Variants in ERICH1 observed in about 807,000 individuals in gnomAD.
ERICH1 encodes glutamate rich 1.
ERICH1 carries 56 observed loss-of-function variants against 39.6 expected under a neutral mutation model. That is an observed-to-expected ratio of 1.41 (90% CI 1.14 to 1.77). The LOEUF (loss-of-function observed/expected upper bound fraction) is 1.77. Ranked by LOEUF, ERICH1 falls within the 40% of genes most tolerant of loss-of-function variation. The pLI is 0.00. For missense variants in ERICH1, 826 were observed against 575.4 expected (o/e 1.44, Z -4.45); for synonymous variants, 313 against 223.6 (o/e 1.40, Z -3.57).
chr8:700,426 C>G (rs879039754), intron 2 of ERICH1, among the ~76,000 whole-genome samples: 4 of 85,664 alleles, frequency 4.7e-5, no homozygotes, highest in African/African-American at 1.2e-4. Context: ...GGCCCGCAGA[C>G]GCGCACAGGC....
At chr8:632,189 T>C (rs773092391) in intron 3 of ERICH1, among the ~76,000 whole-genome samples, 7 of 152,176 alleles carry the variant, frequency 4.6e-5, no homozygotes. Flanking sequence ...TGAATTTTGA[T>C]GTTGTAGTGA....
chr8:700,471 C>A (rs1329588878), intron 2 of ERICH1, among the ~76,000 whole-genome samples: 1 of 129,750 alleles, frequency 7.7e-6, no homozygotes, highest in Non-Finnish European at 1.7e-5. Context: ...GGCGCACAGA[C>A]CCGCACAGGC....
chr8:681,529 G>C lies in ERICH1; in HGVS notation c.305-7482C>G, dbSNP rs900081366. On this transcript the variant is annotated intron_variant, in intron 3 of 5. Coordinates refer to ENST00000262109, the MANE Select transcript of ERICH1 (RefSeq NM_207332.3). The stretch of plus-strand genomic sequence containing the variant: ...AAGAATGCAAGAGTAATCAGAACTT[G>C]AAGGAACAAAACGCAAGCAGGATTG... Among the ~76,000 whole-genome samples, 7 of 152,210 alleles carry C rather than the reference G, an allele frequency of 4.6e-5. No homozygotes were observed. The East Asian group carries it at 1.3e-3, about 29-fold the overall frequency.
rs921743679 is a variant in ERICH1 at position 697,742 on chromosome 8, G to T, written c.170-5130C>A. Among the ~76,000 whole-genome samples, 80 of 152,166 alleles carry T rather than the reference G, an allele frequency of 5.3e-4. 1 individual carries two copies. Among genetic ancestry groups the T allele is most frequent in the Non-Finnish European group, 2.6e-4 (18 of 67,976 alleles). On this transcript the variant is annotated intron_variant, in intron 2 of 5. Transcript: ENST00000262109. Reference sequence around the variant, plus strand: ...ACAGGCGCCCCTCTCAAGAGGGGAGGGACTTCAGCTGTCAGCACAGCAGGT... The same window carrying T: ...ACAGGCGCCCCTCTCAAGAGGGGAGTGACTTCAGCTGTCAGCACAGCAGGT...
intron 1 of ERICH1, among the ~76,000 whole-genome samples, chr8:722,911 G>C (rs758831584): frequency 6.6e-6 from 1 of 152,180 alleles, no homozygotes; most frequent in African/African-American, 2.4e-5. Context: ...AAATATTCAC[G>C]AGTGACTTTA....
chr8:624,020 TC>T (rs1309290725), intron 3 of ERICH1, among the ~76,000 whole-genome samples: 4 of 151,958 alleles, frequency 2.6e-5, no homozygotes, highest in Non-Finnish European at 5.9e-5. Flanking sequence ...GGGACTAATA[TC>T]CAAAATAAAT....
chr8:674,850 G>A (rs1392061965), intron 3 of ERICH1, among the ~76,000 whole-genome samples: 1 of 152,200 alleles, frequency 6.6e-6, no homozygotes, highest in Non-Finnish European at 1.5e-5. Flanking sequence ...AATAGCATAG[G>A]TTGGTGATGT....
chr8:720,622 T>C (rs932824620), intron 1 of ERICH1, among the ~76,000 whole-genome samples: 4 of 152,238 alleles, frequency 2.6e-5, no homozygotes, highest in African/African-American at 9.6e-5. Flanking sequence ...CATAAAGGTC[T>C]GTACAGTTTA....
chr8:657,839 C>T (rs181976319), intron 3 of ERICH1, among the ~76,000 whole-genome samples: 51 of 152,142 alleles, frequency 3.4e-4, no homozygotes, highest in Admixed American at 1.4e-3. Context: ...GTTGGATCTG[C>T]GACAAATCAG....
intron 3 of ERICH1, chr8:627,158 G>C (rs766066818): frequency 2.2e-6 from 1 of 456,268 alleles, no homozygotes; most frequent in Non-Finnish European, 4.4e-6. Context: ...AGCAGACCCA[G>C]GTCTGAGCTC....
rs1801876889 is a variant in ERICH1 at position 664,385 on chromosome 8, G to GAT, written c.*216_*217dup. 8.3e-7 allele frequency: 1 copy of GAT among 1,202,370 alleles called. No individual in the cohort carries two copies. The highest frequency in any genetic ancestry group is 1.0e-6 in the Non-Finnish European group (1 of 967,904). The allele number at this position is 1,202,370 out of a possible 1,614,324, so 74.5% of individuals were successfully genotyped here. ...AATCAAGTTTTATGTAGTAATTCAA[G>GAT]ATATATATAATTGCAAATAAGTGAA... is the stretch of plus-strand genomic sequence containing the variant. On this transcript the variant is annotated 3_prime_UTR_variant, in exon 6 of 6. Transcript: ENST00000262109.
At chr8:727,332 C>T (rs1260201485) in intron 1 of ERICH1, among the ~76,000 whole-genome samples, 1 of 152,234 alleles carries the variant, frequency 6.6e-6, no homozygotes, top group Non-Finnish European at 1.5e-5. Flanking sequence ...GAACTGGCAC[C>T]AGTGCCAGCA....
At chr8:688,187 G>C (rs1014666138) in intron 3 of ERICH1, among the ~76,000 whole-genome samples, 1 of 149,974 alleles carries the variant, frequency 6.7e-6, no homozygotes, top group Non-Finnish European at 1.5e-5. Flanking sequence ...CGGGGCGCAG[G>C]ACACGGCAAG....
Position 698,585 on chromosome 8 carries a change from C to T in ERICH1, c.170-5973G>A, listed in dbSNP as rs79192246. ...CCTCAATTCTCAATGACAAGGTGGTCATTGAAAAATTACACACTTCTGAAA... is the reference window on the plus strand; with the variant it reads ...CCTCAATTCTCAATGACAAGGTGGTTATTGAAAAATTACACACTTCTGAAA... On this transcript the variant is annotated intron_variant, in intron 2 of 5. Coordinates refer to ENST00000262109, the MANE Select transcript of ERICH1 (RefSeq NM_207332.3). Among the ~76,000 whole-genome samples, 997 of 152,122 alleles carry T rather than the reference C, an allele frequency of 6.6e-3. 5 individuals are homozygous for T. The highest frequency in any genetic ancestry group is 9.8e-3 in the Non-Finnish European group (668 of 68,008).
intron 3 of ERICH1, among the ~76,000 whole-genome samples, chr8:619,883 G>A (rs982861724): frequency 6.6e-6 from 1 of 152,114 alleles, no homozygotes; most frequent in African/African-American, 2.4e-5. Flanking sequence ...TACATTGTAA[G>A]CTCCAGAGCA....
At chr8:680,941 A>C (rs12114133) in intron 3 of ERICH1, among the ~76,000 whole-genome samples, 2 of 152,036 alleles carry the variant, frequency 1.3e-5, no homozygotes, top group African/African-American at 2.4e-5. Flanking sequence ...TCAGGACACA[A>C]GGAGACCTGG....
At chr8:652,985 CAT>C (rs1410521163) in intron 3 of ERICH1, among the ~76,000 whole-genome samples, 2 of 152,186 alleles carry the variant, frequency 1.3e-5, no homozygotes, top group African/African-American at 4.8e-5. Context: ...TGAGCACACT[CAT>C]GTGCTGTTGC....
At chr8:706,675 C>T (rs1333890347) in intron 2 of ERICH1, among the ~76,000 whole-genome samples, 3 of 152,028 alleles carry the variant, frequency 2.0e-5, no homozygotes, top group African/African-American at 7.2e-5. Context: ...GCTACTCAGG[C>T]TGGAGAACTG....
intron 2 of ERICH1, among the ~76,000 whole-genome samples, chr8:700,092 C>G (rs1198740066): frequency 7.1e-6 from 1 of 140,748 alleles, no homozygotes; most frequent in East Asian, 2.2e-4. Flanking sequence ...CCCGCACACG[C>G]GCACAGACCC....
Sources: allele counts gnomAD v4.1 joint callset (sites outside exome capture counted in the v4.1 genomes callset), GRCh38; gene constraint gnomAD v4.1.1; transcripts MANE v1.5; gene names NCBI Gene and HGNC (gene_info 2026-07-23, HGNC 2026-07-21).